CD47: variants seen among roughly 807,000 people sequenced by gnomAD.
CD47 encodes the protein leukocyte surface antigen CD47.
In CD47, 11 loss-of-function variants were observed where a neutral mutation model predicts 44.6. The ratio of observed to expected loss-of-function variants is 0.25; its 90% CI spans 0.16 to 0.41. CD47 has a LOEUF of 0.41. Ranked by LOEUF, CD47 falls within the 10% of genes least tolerant of loss-of-function variation. The pLI, the probability that CD47 is intolerant of heterozygous loss-of-function variation, is 1.00. For synonymous variants in CD47, 140 were observed against 136.3 expected (o/e 1.03, Z -0.19); for missense variants, 306 against 386.7 (o/e 0.79, Z 1.75).
intron 7 of CD47, chr3:108,052,720 C>T (rs1470907388): frequency 1.3e-5 from 2 of 152,284 alleles, no homozygotes; most frequent in African/African-American, 4.8e-5. Flanking sequence ...TTTGGGAGGC[C>T]AAGGCAAATA....
rs1168506296 is a variant in CD47, at chr3:108,046,565, G to A, written c.*723C>T. On this transcript the variant is annotated 3_prime_UTR_variant, in exon 11 of 11. Coordinates refer to ENST00000361309, the MANE Select transcript of CD47 (RefSeq NM_001777.4). ...AGCAAGTAACAGGAGGACAAGACAG[G>A]GTTTCAAGGGGTTATGTGAATAAAA... 2 of 152,438 alleles carry A rather than the reference G, an allele frequency of 1.3e-5. No individual in the cohort carries two copies. Among genetic ancestry groups the A allele is most frequent in the African/African-American group, 4.8e-5 (2 of 41,366 alleles). 9.4% of individuals were successfully genotyped at this position (152,438 alleles called of 1,614,324 possible). A position where few individuals can be genotyped will look rare whatever the true frequency, so the allele number is the denominator to read the frequency against.
chr3:108,050,353 T>A (rs2078805054), intron 9 of CD47, among the ~76,000 whole-genome samples: 1 of 152,266 alleles, frequency 6.6e-6, no homozygotes, highest in East Asian at 1.9e-4. Flanking sequence ...CTTGACCTCG[T>A]GATCTGCCCG....
At chr3:108,055,716 A>G (rs2078902745) in intron 7 of CD47, 1 of 386,624 alleles carries the variant, frequency 2.6e-6, no homozygotes, top group Non-Finnish European at 4.9e-6. Context: ...CAAAGAAAAA[A>G]TAATTTGGGG....
At chr3:108,053,566 G>C (rs2078864505) in intron 7 of CD47, 1 of 152,382 alleles carries the variant, frequency 6.6e-6, no homozygotes, top group African/African-American at 2.4e-5. Flanking sequence ...GAGGAACTCA[G>C]GAACTATAAC....
chr3:108,071,016 A>C lies in CD47; in HGVS notation c.490+77T>G, dbSNP rs899923034. ...AGCACTTTTCCTAGTACAACTTTAA[A>C]TATTTCGCTGACAATGTCTCGTAGA... On this transcript the variant is annotated intron_variant, in intron 3 of 10. Coordinates refer to ENST00000361309, the MANE Select transcript of CD47 (RefSeq NM_001777.4). The C allele has an allele frequency of 7.7e-6, 5 of 652,668 alleles. No individual in the cohort carries two copies. In the African/African-American group the frequency reaches 9.3e-5, roughly 12 times the overall value. 40.4% of individuals were successfully genotyped at this position (652,668 alleles called of 1,614,324 possible).
In CD47 at chr3:108,047,220, C is replaced by T. The variant is rs2078734344; in HGVS notation, c.*68G>A. 3.7e-6 allele frequency: 5 copies of T among 1,362,238 alleles called. No homozygotes were observed. The East Asian group carries it at 1.2e-4, about 32-fold the overall frequency. 84.4% of individuals were successfully genotyped at this position (1,362,238 alleles called of 1,614,324 possible). A position where few individuals can be genotyped will look rare whatever the true frequency, so the allele number is the denominator to read the frequency against. ...ACAGTGAATCATCAAGGCCATGGTGCTTAAACACAAGTGTATTCCTTTCAC... is the reference window on the plus strand; with the variant it reads ...ACAGTGAATCATCAAGGCCATGGTGTTTAAACACAAGTGTATTCCTTTCAC... On this transcript the variant is annotated 3_prime_UTR_variant, in exon 11 of 11. Transcript: ENST00000361309.
intron 1 of CD47, among the ~76,000 whole-genome samples, chr3:108,083,628 G>C (rs895410906): frequency 6.6e-6 from 1 of 152,006 alleles, no homozygotes; most frequent in Non-Finnish European, 1.5e-5. Context: ...AGATTTCTAA[G>C]AAAATTCATG....
rs2108213844 is a variant in CD47, at chr3:108,046,410, T to C, written c.*878A>G. The C allele has an allele frequency of 6.5e-6, 1 of 152,774 alleles. No individual in the cohort carries two copies. 9.5% of individuals were successfully genotyped at this position (152,774 alleles called of 1,614,324 possible). A position where few individuals can be genotyped will look rare whatever the true frequency, so the allele number is the denominator to read the frequency against. The stretch of plus-strand genomic sequence containing the variant: ...GAAGGGAATACATATGTTACAACCA[T>C]AGCTATTTTTGCTGAAAAGTGTGAA... On this transcript the variant is annotated 3_prime_UTR_variant, in exon 11 of 11. Coordinates refer to ENST00000361309, the MANE Select transcript of CD47 (RefSeq NM_001777.4).
chr3:108,090,819 C>T (rs1472441890), intron 1 of CD47, 44 bp downstream of exon 1: 1 of 1,455,634 alleles, frequency 6.9e-7, no homozygotes, highest in Non-Finnish European at 9.0e-7. Flanking sequence ...CCCGCGGGGG[C>T]GAAGCGACAG....
chr3:108,090,461 A>G (rs1268751929), intron 1 of CD47, among the ~76,000 whole-genome samples: 2 of 152,106 alleles, frequency 1.3e-5, no homozygotes, highest in East Asian at 3.9e-4. Context: ...AAATGCGTCT[A>G]AGCACTGAGA....
chr3:108,089,941 T>C (rs949959456), intron 1 of CD47, among the ~76,000 whole-genome samples: 4 of 144,702 alleles, frequency 2.8e-5, no homozygotes, highest in African/African-American at 1.0e-4. Flanking sequence ...TATTCCTTGC[T>C]CAGTTTTTAC....
chr3:108,059,183 A>G (rs2078969600), intron 5 of CD47, among the ~76,000 whole-genome samples: 1 of 152,210 alleles, frequency 6.6e-6, no homozygotes, highest in Non-Finnish European at 1.5e-5. Flanking sequence ...AGAATATGAA[A>G]ATAATCATTA....
In CD47 at chr3:108,060,575, T is replaced by C. The variant is rs1559994390; in HGVS notation, c.598+170A>G. Among the ~76,000 whole-genome samples the C allele has an allele frequency of 1.3e-5, 2 of 152,174 alleles. 1 individual carries two copies. Among genetic ancestry groups the C allele is most frequent in the Admixed American group, 1.3e-4 (2 of 15,270 alleles). On this transcript the variant is annotated intron_variant, in intron 4 of 10. Transcript: ENST00000361309. ...GAGAGGGAGTGTGGCCCTGATGACG[T>C]CCTGATTTCAGACTTATGGCCTCCA...
intron 2 of CD47, among the ~76,000 whole-genome samples, chr3:108,076,068 A>G (rs2079305173): frequency 6.6e-6 from 1 of 152,232 alleles, no homozygotes; most frequent in Non-Finnish European, 1.5e-5. Flanking sequence ...CCCAAACTCC[A>G]AATAAAGTAT....
chr3:108,047,158 G>T lies in CD47; in HGVS notation c.*130C>A. On this transcript the variant is annotated 3_prime_UTR_variant, in exon 11 of 11. Coordinates refer to ENST00000361309, the MANE Select transcript of CD47 (RefSeq NM_001777.4). ...CTAACAATCACGTAAGGGTCTCATA[G>T]GTGACAACCAGTTACTTTTCTTGTT... 1.6e-6 allele frequency: 1 copy of T among 626,290 alleles called. No homozygotes were observed. The allele number at this position is 626,290 out of a possible 1,614,324, so 38.8% of individuals were successfully genotyped here.
At chr3:108,062,619 T>C (rs1319181135) in intron 3 of CD47, among the ~76,000 whole-genome samples, 2 of 151,670 alleles carry the variant, frequency 1.3e-5, no homozygotes, top group African/African-American at 4.8e-5. Context: ...TATGTTCTTC[T>C]TCTATATTTT....
At chr3:108,080,423 A>T in intron 1 of CD47, 79 bp from the exon 2 acceptor site, 3 of 709,032 alleles carry the variant, frequency 4.2e-6, no homozygotes, top group Non-Finnish European at 7.1e-6. Context: ...CAAATCCTTA[A>T]GATAAACAGC....
intron 7 of CD47, 134 bp from the exon 8 acceptor site, chr3:108,052,104 G>T: frequency 1.8e-6 from 1 of 544,006 alleles, no homozygotes; most frequent in South Asian, 2.2e-5. Flanking sequence ...AAGAGTTCCA[G>T]CTCTGACAGT....
At chr3:108,056,936 T>C (rs1323480390) in intron 7 of CD47, among the ~76,000 whole-genome samples, 1 of 152,204 alleles carries the variant, frequency 6.6e-6, no homozygotes, top group Non-Finnish European at 1.5e-5. Context: ...AGAACTGTTT[T>C]AAAGTCATGC....
Sources: allele counts gnomAD v4.1 joint callset (sites outside exome capture counted in the v4.1 genomes callset), GRCh38; gene constraint gnomAD v4.1.1; transcripts MANE v1.5; gene names NCBI Gene and HGNC (gene_info 2026-07-23, HGNC 2026-07-21).